STRN3: variants seen among roughly 807,000 people sequenced by gnomAD.
STRN3 encodes striatin-3.
In STRN3, 29 loss-of-function variants were observed where a neutral mutation model predicts 95.6. The observed-to-expected ratio is 0.30, with a 90% CI of 0.23 to 0.41. The LOEUF (loss-of-function observed/expected upper bound fraction) is 0.41, where lower values mean the gene tolerates loss of function less well. Among genes scored for constraint, STRN3 ranks in the 10% least tolerant of loss-of-function variants. The pLI, the probability that STRN3 is intolerant of heterozygous loss-of-function variation, is 1.00. For missense variants in STRN3, 890 were observed against 972.1 expected (o/e 0.92, Z 1.12); for synonymous variants, 331 against 357.6 (o/e 0.93, Z 0.84).
chr14:31,024,673 A>G (rs550428695), intron 1 of STRN3, among the ~76,000 whole-genome samples: 1 of 152,300 alleles, frequency 6.6e-6, no homozygotes, highest in East Asian at 1.9e-4. Context: ...ATATTTGAGG[A>G]CACCCTTTCT....
intron 1 of STRN3, among the ~76,000 whole-genome samples, chr14:30,967,377 ATAG>A (rs1594512350): frequency 6.6e-6 from 1 of 152,156 alleles, no homozygotes; most frequent in Non-Finnish European, 1.5e-5. Context: ...AAAGAGAAAA[ATAG>A]TAGTAGTAAA....
intron 1 of STRN3, among the ~76,000 whole-genome samples, chr14:31,003,796 T>TTTAAA (rs71112372): frequency 3.5e-5 from 4 of 115,478 alleles, no homozygotes; most frequent in Non-Finnish European, 6.9e-5. Flanking sequence ...ACATCTTTCT[T>TTTAAA]AAAAAAAAAA....
chr14:31,021,035 A>C (rs1883481371), intron 1 of STRN3, among the ~76,000 whole-genome samples: 1 of 152,340 alleles, frequency 6.6e-6, no homozygotes, highest in East Asian at 1.9e-4. Context: ...TGCTGGAATC[A>C]ATAAAACTCA....
chr14:31,010,116 A>G (rs1405164672), intron 1 of STRN3, among the ~76,000 whole-genome samples: 3 of 152,208 alleles, frequency 2.0e-5, no homozygotes, highest in African/African-American at 7.2e-5. Context: ...CTAAAAAACA[A>G]AAGTAAAATA....
chr14:30,975,791 G>A (rs1881070819), intron 1 of STRN3, among the ~76,000 whole-genome samples: 1 of 142,434 alleles, frequency 7.0e-6, no homozygotes, highest in South Asian at 2.2e-4. Context: ...CTATGATGGT[G>A]CCACTGCACT....
chr14:30,977,755 T>C (rs9707664), intron 1 of STRN3, among the ~76,000 whole-genome samples: 13,461 of 139,846 alleles, frequency 0.096, 675 homozygotes, highest in South Asian at 0.16. Flanking sequence ...ATTCACACCA[T>C]TGCTCTCCAG....
rs191997365 is a variant in STRN3 at position 30,927,473 on chromosome 14, T to C, written c.1099+1728A>G. Among the ~76,000 whole-genome samples, 234 of 152,110 alleles carry C rather than the reference T, an allele frequency of 1.5e-3. 1 individual carries two copies. Among genetic ancestry groups the C allele is most frequent in the Middle Eastern group, 0.014 (4 of 294 alleles). ...AAGATATAGGTCTAGTCACAGTCTATCAGAGGGGGAAAATGGAATACTTCT... is the reference window on the plus strand; with the variant it reads ...AAGATATAGGTCTAGTCACAGTCTACCAGAGGGGGAAAATGGAATACTTCT... On this transcript the variant is annotated intron_variant, in intron 8 of 17. Transcript: ENST00000357479.
At chr14:30,960,484 T>C (rs76745020) in intron 1 of STRN3, among the ~76,000 whole-genome samples, 14,673 of 152,126 alleles carry the variant, frequency 0.096, 771 homozygotes, top group South Asian at 0.16. Flanking sequence ...GAAGATCACA[T>C]GATTTATGAA....
chr14:30,980,083 A>T (rs900899678), intron 1 of STRN3, among the ~76,000 whole-genome samples: 2 of 151,788 alleles, frequency 1.3e-5, no homozygotes, highest in Non-Finnish European at 1.5e-5. Flanking sequence ...TCACATCTCT[A>T]CTAAAAATAC....
At chr14:31,012,089 A>G (rs1882997668) in intron 1 of STRN3, among the ~76,000 whole-genome samples, 1 of 152,270 alleles carries the variant, frequency 6.6e-6, no homozygotes, top group Admixed American at 6.5e-5. Flanking sequence ...CTCAAAAAAA[A>G]GAAAACAAAA....
chr14:30,984,301 A>C, intron 1 of STRN3, among the ~76,000 whole-genome samples: 1 of 145,282 alleles, frequency 6.9e-6, no homozygotes, highest in Non-Finnish European at 1.5e-5. Context: ...AACAGAAAAG[A>C]ATTAAAACTA....
chr14:30,949,231 C>T (rs1879516147), intron 4 of STRN3, among the ~76,000 whole-genome samples: 1 of 114,250 alleles, frequency 8.8e-6, no homozygotes, highest in Non-Finnish European at 2.0e-5. Flanking sequence ...TTCTTTCCTT[C>T]AAATTTTAGT....
At chr14:31,000,214 A>G (rs1882379119) in intron 1 of STRN3, among the ~76,000 whole-genome samples, 1 of 147,078 alleles carries the variant, frequency 6.8e-6, no homozygotes, top group Non-Finnish European at 1.5e-5. Flanking sequence ...AGTTAACTCC[A>G]TACGTAACTA....
intron 14 of STRN3, among the ~76,000 whole-genome samples, chr14:30,906,510 TG>T (rs1473720997): frequency 6.6e-6 from 1 of 152,120 alleles, no homozygotes; most frequent in African/African-American, 2.4e-5. Flanking sequence ...CTCGAGGTAA[TG>T]GAACACAGGG....
intron 7 of STRN3, among the ~76,000 whole-genome samples, chr14:30,931,036 A>G (rs1402543011): frequency 6.6e-6 from 1 of 152,172 alleles, no homozygotes; most frequent in East Asian, 1.9e-4. Context: ...AGAGAGAATA[A>G]AACTGTGAAT....
chr14:30,929,799 T>C (rs985670663), intron 7 of STRN3, among the ~76,000 whole-genome samples: 4 of 151,820 alleles, frequency 2.6e-5, no homozygotes, highest in African/African-American at 9.7e-5. Context: ...ACTGTACTAA[T>C]GGAGAGGCAT....
chr14:30,957,468 A>G lies in STRN3; in HGVS notation c.283-1226T>C, dbSNP rs112520804. ...ACTCCATTTCAAAAAAAAAAAAAAAAAGAGAGAGAGAAAAAAGAAAATGTA... is the reference window on the plus strand; with the variant it reads ...ACTCCATTTCAAAAAAAAAAAAAAAGAGAGAGAGAGAAAAAAGAAAATGTA... On this transcript the variant is annotated intron_variant, in intron 1 of 17. Coordinates refer to ENST00000357479, the MANE Select transcript of STRN3 (RefSeq NM_001083893.2). Among the ~76,000 whole-genome samples the G allele has an allele frequency of 4.8e-4, 67 of 139,106 alleles. 1 individual carries two copies. The South Asian group carries it at 8.8e-3, about 18-fold the overall frequency. The allele number at this position is 139,106 out of a possible 152,430, so 91.3% of individuals were successfully genotyped here.
At chr14:30,910,278 T>A (rs1896573437) in intron 13 of STRN3, among the ~76,000 whole-genome samples, 1 of 152,236 alleles carries the variant, frequency 6.6e-6, no homozygotes, top group Non-Finnish European at 1.5e-5. Context: ...TATCTTCTTA[T>A]CATTTATCAC....
At chr14:31,022,264 C>T (rs1883539837) in intron 1 of STRN3, among the ~76,000 whole-genome samples, 1 of 151,724 alleles carries the variant, frequency 6.6e-6, no homozygotes, top group African/African-American at 2.4e-5. Flanking sequence ...CCTGTAGTCC[C>T]AGCTACTGGG....
Sources: gnomAD v4.1 joint callset for allele counts (sites outside exome capture counted in the v4.1 genomes callset) on GRCh38, gnomAD v4.1.1 for gene constraint, MANE v1.5 for transcripts, NCBI Gene and HGNC (gene_info 2026-07-23, HGNC 2026-07-21) for gene names.